The following TRPM3 variants were observed in gnomAD, a reference collection of about 807,000 sequenced individuals.
TRPM3 encodes the protein transient receptor potential cation channel subfamily M member 3, also known as long transient receptor potential channel 3.
TRPM3 carries 77 observed loss-of-function variants against 181.2 expected under a neutral mutation model. The observed-to-expected ratio is 0.42, with a 90% confidence interval of 0.35 to 0.51. The LOEUF is 0.51. Among genes scored for constraint, TRPM3 ranks in the 20% least tolerant of loss-of-function variants. The pLI is 0.01. For synonymous variants in TRPM3, 745 were observed against 796.4 expected (o/e 0.94, Z 1.09); for missense variants, 1,759 against 2,196.7 (o/e 0.80, Z 3.98).
In TRPM3 at chr9:71,405,028, A is replaced by G. The variant is rs144300633; in HGVS notation, c.183+41625T>C. Reference sequence around the variant, plus strand: ...CATAGCTACATTTTGATATTTCTACATTGTGCTATAATTAACATGTATGTT... The same window carrying G: ...CATAGCTACATTTTGATATTTCTACGTTGTGCTATAATTAACATGTATGTT... On this transcript the variant is annotated intron_variant, in intron 1 of 24. Coordinates refer to the TRPM3 transcript ENST00000357533. Among the ~76,000 whole-genome samples, 465 of 152,274 alleles carry G rather than the reference A, an allele frequency of 3.1e-3. 4 individuals carry two copies. Among genetic ancestry groups the G allele is most frequent in the African/African-American group, 0.011 (447 of 41,550 alleles).
At chr9:71,089,127 CAT>C (rs2065767459) in intron 1 of TRPM3, among the ~76,000 whole-genome samples, 2 of 146,282 alleles carry the variant, frequency 1.4e-5, no homozygotes, top group Admixed American at 1.4e-4. Context: ...TTGTATATAT[CAT>C]ATATATTATA....
chr9:71,215,047 C>CAAAAAAAAAAAAAAAAAAAAAAA (rs72383590), intron 1 of TRPM3, among the ~76,000 whole-genome samples: 1 of 112,560 alleles, frequency 8.9e-6, no homozygotes, highest in Non-Finnish European at 1.9e-5. Flanking sequence ...AAAAAAAAAA[C>CAAAAAAAAAAAAAAAAAAAAAAA]AAAAAAAAAA....
At chr9:70,968,054 T>C (rs1456667485) in intron 1 of TRPM3, among the ~76,000 whole-genome samples, 2 of 152,104 alleles carry the variant, frequency 1.3e-5, no homozygotes, top group African/African-American at 4.8e-5. Flanking sequence ...TTAATAATGG[T>C]CATATTTACT....
intron 1 of TRPM3, among the ~76,000 whole-genome samples, chr9:70,880,685 T>C (rs2095974200): frequency 6.6e-6 from 1 of 152,108 alleles, no homozygotes; most frequent in Non-Finnish European, 1.5e-5. Context: ...CTTTGTGTTC[T>C]TAGATGGCAC....
intron 1 of TRPM3, among the ~76,000 whole-genome samples, chr9:70,976,821 T>G (rs2097307348): frequency 6.6e-6 from 1 of 152,146 alleles, no homozygotes; most frequent in African/African-American, 2.4e-5. Context: ...CAAACTGACG[T>G]CTAGTGACTG....
chr9:71,133,004 T>G (rs185903593), intron 1 of TRPM3, among the ~76,000 whole-genome samples: 2 of 152,150 alleles, frequency 1.3e-5, no homozygotes, highest in Non-Finnish European at 2.9e-5. Context: ...TTCCTTAAGA[T>G]ACAATTTAGG....
intron 1 of TRPM3, among the ~76,000 whole-genome samples, chr9:70,881,182 A>G (rs1211279935): frequency 6.6e-6 from 1 of 152,084 alleles, no homozygotes; most frequent in East Asian, 1.9e-4. Flanking sequence ...ATTCCTTATG[A>G]GTATCATGTG....
At chr9:71,215,278 T>G (rs1338469121) in intron 1 of TRPM3, among the ~76,000 whole-genome samples, 1 of 152,186 alleles carries the variant, frequency 6.6e-6, no homozygotes, top group Admixed American at 6.5e-5. Flanking sequence ...GAGGAGATGT[T>G]GAAGAGTGTG....
chr9:70,694,693 G>A (rs554619688), intron 8 of TRPM3, among the ~76,000 whole-genome samples: 1 of 152,300 alleles, frequency 6.6e-6, no homozygotes, highest in South Asian at 2.1e-4. Flanking sequence ...TGTTAGCCCG[G>A]ATGGTCTCAA....
chr9:70,770,847 C>A (rs940413874), intron 7 of TRPM3, among the ~76,000 whole-genome samples: 7 of 152,150 alleles, frequency 4.6e-5, no homozygotes, highest in Non-Finnish European at 7.3e-5. Flanking sequence ...TACAGGAAAT[C>A]CCAATGATGC....
At chr9:70,567,824 A>G (rs2132108280) in intron 22 of TRPM3, among the ~76,000 whole-genome samples, 1 of 152,332 alleles carries the variant, frequency 6.6e-6, no homozygotes, top group East Asian at 1.9e-4. Flanking sequence ...TTATAAAAGA[A>G]TGTTCTGTCT....
chr9:71,348,537 A>AGTTT (rs1207936520), intron 1 of TRPM3, among the ~76,000 whole-genome samples: 4 of 147,980 alleles, frequency 2.7e-5, no homozygotes, highest in African/African-American at 1.0e-4. Context: ...TTCTGAAAAC[A>AGTTT]GTTTATTTAT....
chr9:71,215,785 A>C (rs951625267), intron 1 of TRPM3, among the ~76,000 whole-genome samples: 5 of 152,208 alleles, frequency 3.3e-5, no homozygotes, highest in Admixed American at 6.5e-5. Flanking sequence ...TTACTGCTTT[A>C]AAGAGTTTTC....
At chr9:71,221,306 T>C (rs2080226408) in intron 1 of TRPM3, among the ~76,000 whole-genome samples, 1 of 152,200 alleles carries the variant, frequency 6.6e-6, no homozygotes, top group African/African-American at 2.4e-5. Context: ...CCGACCCTCA[T>C]CCTACAGCAG....
chr9:71,001,196 C>T (rs371997657), intron 1 of TRPM3, among the ~76,000 whole-genome samples: 23 of 152,310 alleles, frequency 1.5e-4, no homozygotes, highest in Non-Finnish European at 2.8e-4. Flanking sequence ...GGACCAGAGT[C>T]TAGGCTGGGG....
At chr9:70,812,244 A>T (rs1396617952) in intron 6 of TRPM3, among the ~76,000 whole-genome samples, 1 of 152,220 alleles carries the variant, frequency 6.6e-6, no homozygotes, top group Admixed American at 6.5e-5. Context: ...GAGCAGCCTC[A>T]CTTGTGGCAA....
intron 1 of TRPM3, among the ~76,000 whole-genome samples, chr9:71,189,559 C>T (rs187496044): frequency 1.4e-4 from 22 of 151,898 alleles, no homozygotes; most frequent in Middle Eastern, 3.4e-3. Context: ...ATCACTCCCA[C>T]GCTCCATTCT....
At chr9:71,044,918 G>T (rs1416747874) in intron 1 of TRPM3, among the ~76,000 whole-genome samples, 1 of 151,976 alleles carries the variant, frequency 6.6e-6, no homozygotes, top group Non-Finnish European at 1.5e-5. Context: ...TGATCCACCC[G>T]CCTCGGCCTC....
intron 1 of TRPM3, among the ~76,000 whole-genome samples, chr9:70,905,175 C>T (rs1041247408): frequency 3.8e-4 from 58 of 152,194 alleles, no homozygotes; most frequent in African/African-American, 1.4e-3. Flanking sequence ...TTTCCCAAAC[C>T]TATGCCTTTT....
Sources: allele counts gnomAD v4.1 joint callset (sites outside exome capture counted in the v4.1 genomes callset), GRCh38; gene constraint gnomAD v4.1.1; transcripts MANE v1.5; gene names NCBI Gene and HGNC (gene_info 2026-07-23, HGNC 2026-07-21).